PKHD1: variants seen among roughly 807,000 people sequenced by gnomAD.
The protein encoded by PKHD1 is fibrocystin.
In PKHD1, 291 loss-of-function variants were observed where a neutral mutation model predicts 412.0. The observed-to-expected ratio is 0.71, with a 90% CI of 0.64 to 0.78. The LOEUF (loss-of-function observed/expected upper bound fraction) is 0.78. Among genes scored for constraint, PKHD1 ranks in the 30% least tolerant of loss-of-function variants. The pLI is 0.00. For missense variants in PKHD1, 4,825 were observed against 4,950.7 expected, an observed-to-expected ratio of 0.97 and a Z score of 0.76; for synonymous variants, 1,777 against 1,821.5, an observed-to-expected ratio of 0.98 and a Z score of 0.62.
chr6:51,882,474 A>C (rs1006050745), intron 46 of PKHD1, among the ~76,000 whole-genome samples: 8 of 152,236 alleles, frequency 5.3e-5, no homozygotes, highest in Admixed American at 2.0e-4. Context: ...GCACTCAGGA[A>C]CAAACTGAAG....
chr6:51,996,363 G>A (rs1015117705), intron 35 of PKHD1, among the ~76,000 whole-genome samples: 5 of 151,990 alleles, frequency 3.3e-5, no homozygotes, highest in Non-Finnish European at 4.4e-5. Context: ...ATGAGAAACC[G>A]ACACTGTAAC....
chr6:51,778,772 A>G (rs1791486219), intron 53 of PKHD1, among the ~76,000 whole-genome samples: 1 of 152,304 alleles, frequency 6.6e-6, no homozygotes, highest in East Asian at 1.9e-4. Context: ...GATGGAATCA[A>G]GTATAATCCT....
At chr6:51,961,268 C>G (rs151151771) in intron 35 of PKHD1, among the ~76,000 whole-genome samples, 1 of 152,126 alleles carries the variant, frequency 6.6e-6, no homozygotes, top group Non-Finnish European at 1.5e-5. Context: ...AGAGCCGTTA[C>G]GTTTTCCAGA....
At chr6:51,638,713 T>A in intron 64 of PKHD1, 136 bp downstream of exon 64, 3 of 687,378 alleles carry the variant, frequency 4.4e-6, no homozygotes. Context: ...AATGATACAG[T>A]CAAGTGAATT....
chr6:51,775,383 A>G (rs555718375), intron 54 of PKHD1, among the ~76,000 whole-genome samples: 1 of 152,076 alleles, frequency 6.6e-6, no homozygotes, highest in South Asian at 2.1e-4. Flanking sequence ...AGACCAATTT[A>G]AAATAGCATT....
At chr6:51,712,862 A>C (rs959253756) in intron 60 of PKHD1, among the ~76,000 whole-genome samples, 2 of 152,226 alleles carry the variant, frequency 1.3e-5, no homozygotes, top group African/African-American at 4.8e-5. Context: ...AATGTTTGAT[A>C]TGTGTGTTTA....
In PKHD1 at chr6:51,879,210, A is replaced by G. The variant is rs1481589773; in HGVS notation, c.7350+3883T>C. 8.2e-5 allele frequency among the ~76,000 whole-genome samples: 4 copies of G among 48,796 alleles called. 1 individual carries two copies. Among genetic ancestry groups the G allele is most frequent in the South Asian group, 1.0e-3 (1 of 954 alleles). The allele number at this position is 48,796 out of a possible 152,430, so 32.0% of individuals were successfully genotyped here. On this transcript the variant is annotated intron_variant, in intron 46 of 66. Coordinates refer to ENST00000371117, the MANE Select transcript of PKHD1 (RefSeq NM_138694.4). ...CTGCCCAAGGTAATTTACAGATTCA[A>G]TGCCATCCCCTTCAAGCTACCAATG...
rs545592015 is a variant in PKHD1 at position 51,901,577 on chromosome 6, A to G, written c.6996+2020T>C. On this transcript the variant is annotated intron_variant, in intron 43 of 66. Transcript: ENST00000371117. ...GGAGATATACCTAGTGCTAGATGAC[A>G]AGTTAGTGGGTACAGCGCACCAGCA... Among the ~76,000 whole-genome samples the G allele has an allele frequency of 3.5e-3, 528 of 152,168 alleles. 4 individuals are homozygous for G. The highest frequency in any genetic ancestry group is 0.012 in the African/African-American group (507 of 41,514).
chr6:52,062,523 A>C lies in PKHD1; in HGVS notation c.1114T>G (p.Phe372Val), dbSNP rs1808828860. The change falls in exon 14 of 67, where the codon TTC (phenylalanine) becomes GTC (valine). Residue 372 changes from phenylalanine (F) to valine (V), a missense_variant. Coordinates refer to ENST00000371117, the MANE Select transcript of PKHD1 (RefSeq NM_138694.4). Reference sequence around the variant, plus strand: ...CCCACTTTTCCTACAACATACCTGAAAGGTTGTCCTTCCTGTGACCAAAAC... The same window carrying C: ...CCCACTTTTCCTACAACATACCTGACAGGTTGTCCTTCCTGTGACCAAAAC... ...FGFWSQEGQPFRARLSGFFVA... is the reference protein window; with the variant it reads ...FGFWSQEGQPVRARLSGFFVA... 6.2e-7 allele frequency: 1 copy of C among 1,613,904 alleles called. No individual in the cohort carries two copies. Among genetic ancestry groups the C allele is most frequent in the Non-Finnish European group, 8.5e-7 (1 of 1,179,920 alleles).
intron 52 of PKHD1, among the ~76,000 whole-genome samples, chr6:51,819,647 T>C (rs753423059): frequency 4.6e-5 from 7 of 152,176 alleles, no homozygotes; most frequent in Non-Finnish European, 7.3e-5. Context: ...ACTATTTTGC[T>C]CATCATTTTA....
At chr6:51,846,808 C>T (rs997189792) in intron 50 of PKHD1, among the ~76,000 whole-genome samples, 1 of 152,168 alleles carries the variant, frequency 6.6e-6, no homozygotes, top group Non-Finnish European at 1.5e-5. Flanking sequence ...TACTCATCTT[C>T]CTGACCTCAG....
chr6:51,883,297 A>C, intron 45 of PKHD1, 70 bp from the exon 46 acceptor site: 2 of 1,336,094 alleles, frequency 1.5e-6, no homozygotes, highest in East Asian at 2.3e-5. Context: ...TGTAGCTTTT[A>C]AAATTATTGA....
intron 64 of PKHD1, 36 bp downstream of exon 64, chr6:51,638,813 A>AC: frequency 7.6e-7 from 1 of 1,319,042 alleles, no homozygotes; most frequent in Middle Eastern, 1.9e-4. Flanking sequence ...AAAAAAAAAA[A>AC]AAAACACAGA....
At chr6:51,974,686 G>C (rs1003508174) in intron 35 of PKHD1, among the ~76,000 whole-genome samples, 2 of 152,142 alleles carry the variant, frequency 1.3e-5, no homozygotes, top group Admixed American at 6.6e-5. Context: ...CGACACAATG[G>C]ACTTTGAGGA....
chr6:51,834,182 T>C (rs7750125), intron 51 of PKHD1, among the ~76,000 whole-genome samples: 67,371 of 151,890 alleles, frequency 0.44, 16,050 homozygotes, highest in Middle Eastern at 0.61. Flanking sequence ...TGGGAGGCAC[T>C]GAACAGAAGA....
chr6:51,845,059 G>A (rs947586171), intron 50 of PKHD1, among the ~76,000 whole-genome samples: 3 of 152,140 alleles, frequency 2.0e-5, no homozygotes, highest in Non-Finnish European at 4.4e-5. Flanking sequence ...TTAAGTGAAA[G>A]TTACAATCTA....
At chr6:51,671,799 A>C (rs192086872) in intron 60 of PKHD1, among the ~76,000 whole-genome samples, 1 of 151,776 alleles carries the variant, frequency 6.6e-6, no homozygotes, top group Non-Finnish European at 1.5e-5. Flanking sequence ...CTGTTGGGGT[A>C]CCCGCCCGTG....
At chr6:51,958,345 A>G (rs751936666) in intron 36 of PKHD1, among the ~76,000 whole-genome samples, 5 of 152,116 alleles carry the variant, frequency 3.3e-5, no homozygotes, top group Non-Finnish European at 7.4e-5. Flanking sequence ...TACCTAAACC[A>G]GAAATGCTAA....
chr6:51,648,650 C>T (rs1770451984), intron 62 of PKHD1, among the ~76,000 whole-genome samples: 1 of 152,186 alleles, frequency 6.6e-6, no homozygotes, highest in Non-Finnish European at 1.5e-5. Context: ...GAATTAAGCA[C>T]AGAAACTTCT....
Sources: allele counts gnomAD v4.1 joint callset (sites outside exome capture counted in the v4.1 genomes callset), GRCh38; gene constraint gnomAD v4.1.1; transcripts MANE v1.5; gene names NCBI Gene and HGNC (gene_info 2026-07-23, HGNC 2026-07-21).